Variants in MUC5AC observed in about 807,000 individuals in gnomAD.
The protein encoded by MUC5AC is mucin 5AC, oligomeric mucus/gel-forming.
Under a neutral mutation model 169.7 loss-of-function variants are expected in MUC5AC, and 158 were observed. The observed-to-expected ratio is 0.93, with a 90% CI of 0.82 to 1.06. The LOEUF is 1.06. Among genes scored for constraint, MUC5AC ranks in the 50% least tolerant of loss-of-function variants. MUC5AC has a pLI of 0.00. For synonymous variants in MUC5AC, 1,975 were observed against 1,237.0 expected (o/e 1.60, Z -12.52); for missense variants, 4,359 against 3,089.9 (o/e 1.41, Z -9.74).
chr11:1,187,398 A>G lies in MUC5AC; in HGVS notation c.9253A>G (p.Thr3085Ala). 1 of 737,428 alleles carries G rather than the reference A, an allele frequency of 1.4e-6. No homozygotes were observed. Among genetic ancestry groups the G allele is most frequent in the African/African-American group, 1.7e-5 (1 of 57,742 alleles). 45.7% of individuals were successfully genotyped at this position (737,428 alleles called of 1,614,324 possible). ...AACCTCTGCTCCTACAACCAGCACAACCTCTGCCGCTACAACCAGCACAAT... is the reference window on the plus strand; with the variant it reads ...AACCTCTGCTCCTACAACCAGCACAGCCTCTGCCGCTACAACCAGCACAAT... ...STTSAPTTST[T>A]SAATTSTISA... Residue 3085 changes from threonine to alanine, a missense_variant, in exon 31 of 49, where the codon ACC becomes GCC. Coordinates refer to ENST00000621226, the MANE Select transcript of MUC5AC (RefSeq NM_001304359.2).
intron 43 of MUC5AC, 82 bp from the exon 44 acceptor site, chr11:1,198,792 G>C: frequency 1.5e-6 from 1 of 665,960 alleles, no homozygotes; most frequent in Non-Finnish European, 2.7e-6. Context: ...GGGAAGTTGG[G>C]GGCAGCAAGC....
rs1590144818 is a variant in MUC5AC at position 1,184,229 on chromosome 11, C to T, written c.6084C>T (p.Asn2028=). 1 of 405,342 alleles carries T rather than the reference C, an allele frequency of 2.5e-6. No homozygotes were observed. Among genetic ancestry groups the T allele is most frequent in the East Asian group, 3.6e-5 (1 of 28,124 alleles). 25.1% of individuals were successfully genotyped at this position (405,342 alleles called of 1,614,324 possible). The change falls in exon 31 of 49, where the codon AAC becomes AAT. Residue 2028 remains asparagine, a synonymous_variant. Coordinates refer to ENST00000621226, the MANE Select transcript of MUC5AC (RefSeq NM_001304359.2). ...AGGGGCTGATTTGCCTGAACAAGAA[C>T]CAGCTCCCACCCATCTGCTACAACT... ...HTEGLICLNK[N]QLPPICYNYE...
Position 1,163,091 on chromosome 11 carries a change from G to C in MUC5AC, c.679+46G>C, listed in dbSNP as rs534682373. On this transcript the variant is annotated intron_variant, in intron 6 of 48. Transcript: ENST00000621226. ...CAGCCCCTTCCTCAGTGTCCCCTGG[G>C]GGCTCAGTGTTGTGTGCACACACAC... The C allele has an allele frequency of 3.5e-5, 55 of 1,565,116 alleles. No individual in the cohort carries two copies. In the South Asian group the frequency reaches 5.1e-4, roughly 15 times the overall value.
At position 1,200,602 on chromosome 11, in the gene MUC5AC, C is replaced by T. The variant is rs768288682; in HGVS notation, c.16865C>T (p.Pro5622Leu). ...CGCMGRRCPA[P>L]GDTQHSEEAE... ...TGCATGGGCCGGCGGTGCCCTGCGC[C>T]GGGCGACACCCAGCACTCGGAGGAG... Residue 5622 changes from proline (P) to leucine (L), a missense_variant, in exon 49 of 49, where the codon CCG becomes CTG. Coordinates refer to ENST00000621226, the MANE Select transcript of MUC5AC (RefSeq NM_001304359.2). 2.0e-5 allele frequency: 15 copies of T among 764,398 alleles called. No individual in the cohort carries two copies. Among genetic ancestry groups the T allele is most frequent in the South Asian group, 4.0e-5 (3 of 74,558 alleles). The allele number at this position is 764,398 out of a possible 1,614,324, so 47.4% of individuals were successfully genotyped here.
At chr11:1,171,232 A>G (rs1860513577) in intron 15 of MUC5AC, among the ~76,000 whole-genome samples, 1 of 138,510 alleles carries the variant, frequency 7.2e-6, no homozygotes, top group Non-Finnish European at 1.5e-5. Context: ...CCACTCACCC[A>G]TTCACTCATT....
intron 22 of MUC5AC, 51 bp from the exon 23 acceptor site, chr11:1,177,180 C>T (rs1312614614): frequency 2.8e-5 from 11 of 398,804 alleles, no homozygotes; most frequent in Admixed American, 8.8e-5. Flanking sequence ...ATCCTCCTTG[C>T]GGGAAGGAGG....
In MUC5AC at chr11:1,162,024, A is replaced by G. The variant is rs1277414297; in HGVS notation, c.329A>G (p.His110Arg). 1.7e-5 allele frequency: 27 copies of G among 1,612,484 alleles called. No individual in the cohort carries two copies. The highest frequency in any genetic ancestry group is 2.1e-5 in the Non-Finnish European group (25 of 1,179,800). ...PGLCNYVFSE[H>R]CGAAYEDFNI... ...CTCTGCAACTACGTGTTCTCCGAGC[A>G]CTGCGGTGCCGCCTACGAGGATTTT... The change falls in exon 4 of 49, where the codon CAC becomes CGC. Residue 110 changes from histidine to arginine, a missense_variant. Transcript: ENST00000621226.
Position 1,169,040 on chromosome 11 carries a change from C to A in MUC5AC, c.1870+14C>A. 1.3e-6 allele frequency: 2 copies of A among 1,549,304 alleles called. No homozygotes were observed. The highest frequency in any genetic ancestry group is 1.7e-6 in the Non-Finnish European group (2 of 1,145,026). On this transcript the variant is annotated intron_variant, in intron 15 of 48. Coordinates refer to ENST00000621226, the MANE Select transcript of MUC5AC (RefSeq NM_001304359.2). Reference sequence around the variant, plus strand: ...GCGTGGAGAATGGTACGGGTGTCCACGGCTCGCCTCTGTGCTGGCCGCCTG... The same window carrying A: ...GCGTGGAGAATGGTACGGGTGTCCAAGGCTCGCCTCTGTGCTGGCCGCCTG...
intron 2 of MUC5AC, 85 bp downstream of exon 2, chr11:1,160,774 T>C: frequency 7.2e-7 from 1 of 1,385,866 alleles, no homozygotes; most frequent in Non-Finnish European, 9.9e-7. Context: ...CCACTGGTCT[T>C]AGGGTGGCTC....
chr11:1,196,824 C>T lies in MUC5AC; in HGVS notation c.15830-53C>T, dbSNP rs73397803. 396 of 752,046 alleles carry T rather than the reference C, an allele frequency of 5.3e-4. 1 individual carries two copies. The African/African-American group carries it at 6.2e-3, about 12-fold the overall frequency. The allele number at this position is 752,046 out of a possible 1,614,324, so 46.6% of individuals were successfully genotyped here. On this transcript the variant is annotated intron_variant, in intron 39 of 48. Transcript: ENST00000621226. ...GGCCCCAATATGGGACCCTGCCTCT[C>T]GCCCCTATTGTGGTGGCTGACCCCC...
In MUC5AC at chr11:1,164,438, C is replaced by G; in HGVS notation, c.1035C>G (p.His345Gln). 6.2e-7 allele frequency: 1 copy of G among 1,612,204 alleles called. No homozygotes were observed. Among genetic ancestry groups the G allele is most frequent in the South Asian group, 1.1e-5 (1 of 90,972 alleles). The change falls in exon 9 of 49, where the codon CAC becomes CAG. Residue 345 changes from histidine to glutamine, a missense_variant. His to Gln is a conservative substitution (Grantham distance 24, BLOSUM62 0). Coordinates refer to ENST00000621226, the MANE Select transcript of MUC5AC (RefSeq NM_001304359.2). The stretch of plus-strand genomic sequence containing the variant: ...AGTGCCCCAACAACATGCAGTACCA[C>G]GAGTGCCGCTCCCCCTGCGCAGACA... ...PQKCPNNMQY[H>Q]ECRSPCADTC... is the part of the protein sequence containing the mutation.
intron 15 of MUC5AC, among the ~76,000 whole-genome samples, chr11:1,171,998 G>T (rs1204089397): frequency 1.3e-5 from 2 of 151,854 alleles, no homozygotes; most frequent in Non-Finnish European, 2.9e-5. Flanking sequence ...CATTCACTTC[G>T]CCTTCAGAGC....
Position 1,190,069 on chromosome 11 carries a change from G to A in MUC5AC, c.11924G>A (p.Gly3975Glu). The stretch of plus-strand genomic sequence containing the variant: ...TTTCCATCCCCTGGACCCCACGGTG[G>A]GGACAAGGAAACCTACAACAACATC... ...VDFPSPGPHG[G>E]DKETYNNIIR... is the part of the protein sequence containing the mutation. The change falls in exon 31 of 49, where the codon GGG becomes GAG. Residue 3975 changes from glycine to glutamate, a missense_variant. Coordinates refer to ENST00000621226, the MANE Select transcript of MUC5AC (RefSeq NM_001304359.2). The A allele has an allele frequency of 1.3e-6, 1 of 764,306 alleles. No individual in the cohort carries two copies. The highest frequency in any genetic ancestry group is 1.3e-5 in the South Asian group (1 of 74,524). 47.3% of individuals were successfully genotyped at this position (764,306 alleles called of 1,614,324 possible).
Position 1,187,769 on chromosome 11 carries a change from C to T in MUC5AC, c.9624C>T (p.Ser3208=), listed in dbSNP as rs1554928345. 46 of 764,906 alleles carry T rather than the reference C, an allele frequency of 6.0e-5. No individual in the cohort carries two copies. The highest frequency in any genetic ancestry group is 8.5e-5 in the Admixed American group (5 of 58,998). The allele number at this position is 764,906 out of a possible 1,614,324, so 47.4% of individuals were successfully genotyped here. A position where few individuals can be genotyped will look rare whatever the true frequency, so the allele number is the denominator to read the frequency against. Residue 3208 remains serine (S), a synonymous_variant, in exon 31 of 49, where the codon TCC becomes TCT. Transcript: ENST00000621226. ...CAAAGACCAGCACAAGCCATGTTTC[C>T]ATATCCAAGACAACCCACTCCCAAC... ...SVSKTSTSHV[S]ISKTTHSQPV...
In MUC5AC at chr11:1,160,671, A is replaced by G. The variant is rs79183168; in HGVS notation, c.133A>G (p.Ile45Val). 6.2e-7 allele frequency: 1 copy of G among 1,610,368 alleles called. No individual in the cohort carries two copies. The highest frequency in any genetic ancestry group is 8.5e-7 in the Non-Finnish European group (1 of 1,179,482). ...CAAGCACCACCCTGCCCTCTCTCCT[A>G]TCGCCCGGGGGCCCAGCGGTGAGTC... ...SYKHHPALSP[I>V]ARGPSGVPLR... is the part of the protein sequence containing the mutation. Residue 45 changes from isoleucine (I) to valine (V), a missense_variant, in exon 2 of 49, where the codon ATC becomes GTC. By Grantham distance (29) the Ile-to-Val change is conservative. Transcript: ENST00000621226.
Position 1,183,144 on chromosome 11 carries a change from C to T in MUC5AC, c.4999C>T (p.Arg1667Cys), listed in dbSNP as rs1860851242. 8.0e-6 allele frequency: 3 copies of T among 373,886 alleles called. No individual in the cohort carries two copies. The highest frequency in any genetic ancestry group is 2.9e-5 in the African/African-American group (1 of 34,804). 23.2% of individuals were successfully genotyped at this position (373,886 alleles called of 1,614,324 possible). ...LPPICYNYEI[R>C]IQCCETVNVC... ...ACCCATCTGCTACAACTATGAGATC[C>T]GCATCCAGTGTTGCGAGACGGTGAA... The change falls in exon 31 of 49, where the codon CGC becomes TGC. Residue 1667 changes from arginine to cysteine, a missense_variant. Arg to Cys is a radical substitution (Grantham distance 180). Coordinates refer to ENST00000621226, the MANE Select transcript of MUC5AC (RefSeq NM_001304359.2).
rs558839449 is a variant in MUC5AC at position 1,161,861 on chromosome 11, G to A, written c.212-46G>A. ...AGGGCAGAGGCAGGGGGTGCAGGGC[G>A]AGGATGAGGGCGACGCCCCCAAACA... On this transcript the variant is annotated intron_variant, in intron 3 of 48. Coordinates refer to ENST00000621226, the MANE Select transcript of MUC5AC (RefSeq NM_001304359.2). 43 of 1,583,782 alleles carry A rather than the reference G, an allele frequency of 2.7e-5. No homozygotes were observed. The East Asian group carries it at 8.5e-4, about 31-fold the overall frequency.
At chr11:1,169,888 A>G (rs1478530988) in intron 15 of MUC5AC, among the ~76,000 whole-genome samples, 1,978 of 106,374 alleles carry the variant, frequency 0.019, 15 homozygotes, top group Non-Finnish European at 0.026. Flanking sequence ...TCACTCACCC[A>G]CTCACCGACT....
rs1343220098 is a variant in MUC5AC at position 1,168,668 on chromosome 11, A to G, written c.1594A>G (p.Thr532Ala). 2 of 1,610,592 alleles carry G rather than the reference A, an allele frequency of 1.2e-6. No homozygotes were observed. The highest frequency in any genetic ancestry group is 2.7e-5 in the African/African-American group (2 of 75,004). ...CAACGTCACCATCTTCAGACCCTCA[A>G]CCTTCTTCATCATCGCCCAGACCAG... ...AANVTIFRPSTFFIIAQTSLG... is the reference protein window; with the variant it reads ...AANVTIFRPSAFFIIAQTSLG... Residue 532 changes from threonine (T) to alanine (A), a missense_variant, in exon 14 of 49, where the codon ACC (threonine) becomes GCC (alanine). Thr to Ala is a moderately conservative substitution (Grantham distance 58). Transcript: ENST00000621226.
Sources: gnomAD v4.1 joint callset for allele counts (sites outside exome capture counted in the v4.1 genomes callset) on GRCh38, gnomAD v4.1.1 for gene constraint, MANE v1.5 for transcripts, NCBI Gene and HGNC (gene_info 2026-07-23, HGNC 2026-07-21) for gene names.